The following ZFPM1 variants were observed in gnomAD, a reference collection of about 807,000 sequenced individuals.
ZFPM1 encodes zinc finger protein ZFPM1.
ZFPM1 carries 28 observed loss-of-function variants against 46.3 expected under a neutral mutation model. The ratio of observed to expected loss-of-function variants is 0.60; its 90% CI spans 0.45 to 0.83. ZFPM1 has a LOEUF of 0.83. Ranked by LOEUF, ZFPM1 falls within the 40% of genes least tolerant of loss-of-function variation. The pLI is 0.00. For synonymous variants in ZFPM1, 957 were observed against 675.9 expected, an observed-to-expected ratio of 1.42 and a Z score of -6.45; for missense variants, 1,878 against 1,432.4, an observed-to-expected ratio of 1.31 and a Z score of -5.02.
intron 1 of ZFPM1, among the ~76,000 whole-genome samples, chr16:88,482,724 C>G (rs994840181): frequency 2.6e-5 from 4 of 152,334 alleles, no homozygotes; most frequent in South Asian, 2.1e-4. Flanking sequence ...CACTGAGGCC[C>G]TGATGCCCTA....
chr16:88,466,604 G>A (rs1347716906), intron 1 of ZFPM1, among the ~76,000 whole-genome samples: 3 of 152,228 alleles, frequency 2.0e-5, no homozygotes, highest in Admixed American at 6.5e-5. Flanking sequence ...GGGGATGGGC[G>A]GAGGCTGGCC....
rs1415752429 is a variant in ZFPM1, at chr16:88,501,630, C to T, written c.268+12477C>T. Among the ~76,000 whole-genome samples, 51 of 119,100 alleles carry T rather than the reference C, an allele frequency of 4.3e-4. 4 individuals carry two copies. Among genetic ancestry groups the T allele is most frequent in the African/African-American group, 1.5e-3 (44 of 29,044 alleles). 78.1% of individuals were successfully genotyped at this position (119,100 alleles called of 152,430 possible). ...TACTGGTGATGATGGAGATAGTGGG[C>T]CTGGGTGCGTGGGCCATCGCGCAGG... On this transcript the variant is annotated intron_variant, in intron 3 of 9. Coordinates refer to ENST00000319555, the MANE Select transcript of ZFPM1 (RefSeq NM_153813.3).
At chr16:88,463,144 C>T (rs894306080) in intron 1 of ZFPM1, among the ~76,000 whole-genome samples, 1 of 152,268 alleles carries the variant, frequency 6.6e-6, no homozygotes, top group African/African-American at 2.4e-5. Context: ...GGAGCAGGAG[C>T]GGAGGAGGCC....
intron 4 of ZFPM1, 45 bp downstream of exon 4, chr16:88,514,565 G>A (rs1911175556): frequency 2.9e-5 from 42 of 1,448,164 alleles, no homozygotes; most frequent in Non-Finnish European, 3.7e-5. Context: ...CCCCAATGCA[G>A]GGCAACATGG....
chr16:88,461,811 C>T (rs1360652732), intron 1 of ZFPM1, among the ~76,000 whole-genome samples: 1 of 152,186 alleles, frequency 6.6e-6, no homozygotes, highest in Non-Finnish European at 1.5e-5. Context: ...CCTCTTCTTG[C>T]CCGGAGATCT....
intron 3 of ZFPM1, among the ~76,000 whole-genome samples, chr16:88,496,158 AT>A (rs1909919422): frequency 6.6e-6 from 1 of 151,988 alleles, no homozygotes; most frequent in South Asian, 2.1e-4. Context: ...GTCAGGGAGA[AT>A]TTTCCTGGTG....
At position 88,534,955 on chromosome 16, in the gene ZFPM1, G is replaced by A. The variant is rs751980747; in HGVS notation, c.2997G>A (p.Ser999=). 4.0e-6 allele frequency: 6 copies of A among 1,504,548 alleles called. 1 individual carries two copies. The highest frequency in any genetic ancestry group is 2.5e-5 in the South Asian group (2 of 81,346). The allele number at this position is 1,504,548 out of a possible 1,614,324, so 93.2% of individuals were successfully genotyped here. ...FIAHKKYYCS[S]HAAEHVK The stretch of plus-strand genomic sequence containing the variant: ...CCCACAAGAAGTATTACTGCTCCTC[G>A]CACGCCGCCGAGCACGTGAAGTGAG... The change falls in exon 10 of 10, where the codon TCG becomes TCA. Residue 999 remains serine (S), a synonymous_variant. Coordinates refer to ENST00000319555, the MANE Select transcript of ZFPM1 (RefSeq NM_153813.3).
At chr16:88,472,294 G>A (rs1375944099) in intron 1 of ZFPM1, among the ~76,000 whole-genome samples, 1 of 152,146 alleles carries the variant, frequency 6.6e-6, no homozygotes, top group Non-Finnish European at 1.5e-5. Flanking sequence ...AGGCACCAGA[G>A]CGCCTGCTGC....
rs1913077476 is a variant in ZFPM1 at position 88,534,230 on chromosome 16, C to A, written c.2272C>A (p.Pro758Thr). Residue 758 changes from proline (P) to threonine (T), a missense_variant, in exon 10 of 10, where the codon CCG (proline) becomes ACG (threonine). Coordinates refer to ENST00000319555, the MANE Select transcript of ZFPM1 (RefSeq NM_153813.3). ...GCACGCGGCCGGCGCCCCGCCCCCC[C>A]CGCCGCCCGGCCACGCCCCCGCGCC... ...ELHAAGAPPP[P>T]PPGHAPAPES... 1.0e-5 allele frequency: 10 copies of A among 986,424 alleles called. No homozygotes were observed. Among genetic ancestry groups the A allele is most frequent in the Non-Finnish European group, 1.2e-5 (10 of 832,408 alleles). 61.1% of individuals were successfully genotyped at this position (986,424 alleles called of 1,614,324 possible). A position where few individuals can be genotyped will look rare whatever the true frequency, so the allele number is the denominator to read the frequency against.
intron 3 of ZFPM1, among the ~76,000 whole-genome samples, chr16:88,498,070 C>T (rs946852248): frequency 1.3e-5 from 2 of 152,124 alleles, no homozygotes; most frequent in East Asian, 1.9e-4. Flanking sequence ...AGATTAACGG[C>T]GGAGGAGGGG....
At chr16:88,484,217 G>A (rs1278392524) in intron 1 of ZFPM1, among the ~76,000 whole-genome samples, 1 of 152,206 alleles carries the variant, frequency 6.6e-6, no homozygotes, top group African/African-American at 2.4e-5. Context: ...CTGGGGAGGA[G>A]GCACCAGGTT....
At chr16:88,460,201 C>T (rs932402200) in intron 1 of ZFPM1, among the ~76,000 whole-genome samples, 1 of 152,306 alleles carries the variant, frequency 6.6e-6, no homozygotes, top group East Asian at 1.9e-4. Context: ...TGGACCAAGC[C>T]AAGCCAGAGG....
rs1396516178 is a variant in ZFPM1, at chr16:88,533,658, C to T, written c.1700C>T (p.Thr567Ile). 2 of 1,477,574 alleles carry T rather than the reference C, an allele frequency of 1.4e-6. No individual in the cohort carries two copies. Among genetic ancestry groups the T allele is most frequent in the African/African-American group, 3.0e-5 (2 of 66,704 alleles). 91.5% of individuals were successfully genotyped at this position (1,477,574 alleles called of 1,614,324 possible). Residue 567 changes from threonine (T) to isoleucine (I), a missense_variant, in exon 10 of 10, where the codon ACC (threonine) becomes ATC (isoleucine). Physicochemically the swap from Thr to Ile is moderately conservative, Grantham distance 89 (BLOSUM62 -1). Transcript: ENST00000319555. The stretch of plus-strand genomic sequence containing the variant: ...GGCGCGGGCGCCGGCGGCGCGCAGA[C>T]CGGGCTCTTCCCCGGGGCCCCCAAG... ...GAGAGAGGAQ[T>I]GLFPGAPKGA... is the part of the protein sequence containing the mutation.
chr16:88,489,933 A>G (rs1597245938), intron 3 of ZFPM1, among the ~76,000 whole-genome samples: 1 of 103,110 alleles, frequency 9.7e-6, no homozygotes, highest in African/African-American at 3.7e-5. Context: ...CTGGTGGGTG[A>G]GGGAGGGAGG....
chr16:88,492,586 G>A (rs982898473), intron 3 of ZFPM1, among the ~76,000 whole-genome samples: 19 of 152,218 alleles, frequency 1.2e-4, no homozygotes, highest in African/African-American at 2.9e-4. Flanking sequence ...GGCTGGACCC[G>A]GACTCACAGG....
intron 1 of ZFPM1, among the ~76,000 whole-genome samples, chr16:88,484,147 G>C (rs1597241233): frequency 6.6e-6 from 1 of 152,256 alleles, no homozygotes; most frequent in Non-Finnish European, 1.5e-5. Context: ...AAGGAGGACA[G>C]TGGGGATTCG....
chr16:88,456,284 G>C (rs186423462), intron 1 of ZFPM1, among the ~76,000 whole-genome samples: 1 of 152,366 alleles, frequency 6.6e-6, no homozygotes, highest in Non-Finnish European at 1.5e-5. Context: ...GAGACCGCTA[G>C]AGGTGGGTTT....
In ZFPM1 at chr16:88,532,547, TTCC is replaced by T. The variant is rs1597289620; in HGVS notation, c.947-64_947-62del. On this transcript the variant is annotated intron_variant, in intron 7 of 9. Transcript: ENST00000319555. ...GATCACGGCCCTGGGCCCAGTCGCC[TTCC>T]TCATCCCTGGAGTCCCAAGGTTAAG... The T allele has an allele frequency of 3.3e-6, 5 of 1,498,396 alleles. No individual in the cohort carries two copies. In the African/African-American group the frequency reaches 5.5e-5, roughly 17 times the overall value. The allele number at this position is 1,498,396 out of a possible 1,614,324, so 92.8% of individuals were successfully genotyped here.
chr16:88,467,331 T>A (rs1908181267), intron 1 of ZFPM1, among the ~76,000 whole-genome samples: 1 of 152,106 alleles, frequency 6.6e-6, no homozygotes, highest in African/African-American at 2.4e-5. Context: ...AGGTCTCAGT[T>A]TCCTCATCTG....
Sources: gnomAD v4.1 joint callset for allele counts (sites outside exome capture counted in the v4.1 genomes callset) on GRCh38, gnomAD v4.1.1 for gene constraint, MANE v1.5 for transcripts, NCBI Gene and HGNC (gene_info 2026-07-23, HGNC 2026-07-21) for gene names.